Variants in ZNF398 observed in about 807,000 individuals in gnomAD.
ZNF398 encodes the protein zinc finger DNA binding protein ZER6.
In ZNF398, 18 loss-of-function variants were observed where a neutral mutation model predicts 41.9. The ratio of observed to expected loss-of-function variants is 0.43; its 90% confidence interval spans 0.30 to 0.64. ZNF398 has a LOEUF of 0.64. Among genes scored for constraint, ZNF398 ranks in the 30% least tolerant of loss-of-function variants. ZNF398 has a pLI of 0.14. For synonymous variants in ZNF398, 260 were observed against 308.8 expected (o/e 0.84, Z 1.66); for missense variants, 669 against 822.8 (o/e 0.81, Z 2.29).
chr7:149,156,775 C>T (rs1238430193), intron 2 of ZNF398, among the ~76,000 whole-genome samples: 2 of 150,784 alleles, frequency 1.3e-5, no homozygotes, highest in African/African-American at 2.4e-5. Flanking sequence ...GCAGGAGAAT[C>T]GCTTGAACCC....
At chr7:149,169,459 G>A (rs1198984521) in intron 4 of ZNF398, among the ~76,000 whole-genome samples, 1 of 152,148 alleles carries the variant, frequency 6.6e-6, no homozygotes, top group Non-Finnish European at 1.5e-5. Context: ...TTAAGACAAG[G>A]TCTGGCTCTA....
At chr7:149,175,818 G>GA (rs1470778470) in intron 4 of ZNF398, among the ~76,000 whole-genome samples, 1 of 152,064 alleles carries the variant, frequency 6.6e-6, no homozygotes, top group Non-Finnish European at 1.5e-5. Context: ...CTGAGTAGCT[G>GA]GGATTACAGG....
chr7:149,177,853 A>C (rs983686635), intron 5 of ZNF398, among the ~76,000 whole-genome samples: 2 of 152,144 alleles, frequency 1.3e-5, no homozygotes, highest in Non-Finnish European at 2.9e-5. Context: ...TACAGTGTTA[A>C]ATTTTCTGAT....
rs1563166751 is a variant in ZNF398, at chr7:149,176,566, A to G, written c.760A>G (p.Lys254Glu). 2.5e-6 allele frequency: 4 copies of G among 1,607,646 alleles called. No homozygotes were observed. Among genetic ancestry groups the G allele is most frequent in the Non-Finnish European group, 2.5e-6 (3 of 1,177,198 alleles). Residue 254 changes from lysine to glutamate, a missense_variant, in exon 5 of 6, where the codon AAA (lysine) becomes GAA (glutamate). Around this residue, in one of 3 missense-constraint regions of ZNF398, gnomAD observed 290 missense variants for 292.9 expected, o/e 0.99. Transcript: ENST00000475153. ...PPESKESDVY[K>E]STYADEELVI... ...GGAGTCCAAGGAGAGTGACGTGTAC[A>G]AAAGCACTTATGCTGGTGAGTATGA...
At chr7:149,167,514 T>C (rs889363673) in intron 4 of ZNF398, among the ~76,000 whole-genome samples, 5 of 152,186 alleles carry the variant, frequency 3.3e-5, no homozygotes, top group African/African-American at 1.2e-4. Context: ...TCTCATACAC[T>C]TTTTTGTTCT....
rs1017251618 is a variant in ZNF398 at position 149,179,481 on chromosome 7, C to T, written c.1609C>T (p.Arg537Trp). 16 of 1,614,034 alleles carry T rather than the reference C, an allele frequency of 9.9e-6. No homozygotes were observed. The highest frequency in any genetic ancestry group is 1.3e-5 in the African/African-American group (1 of 74,942). The change falls in exon 6 of 6, where the codon CGG (arginine) becomes TGG (tryptophan). Residue 537 changes from arginine (R) to tryptophan (W), a missense_variant. Coordinates refer to ENST00000475153, the MANE Select transcript of ZNF398 (RefSeq NM_170686.3). This position sits in a 1 kb window ranked among gnomAD's most constrained non-coding sequence, Gnocchi z 6.1. The stretch of plus-strand genomic sequence containing the variant: ...CCACCGGCGGCTGCACACAGGCGAG[C>T]GGCCCTTCAGTTGTCCTCACTGTGG... The part of the protein sequence containing the change: ...LNHRRLHTGE[R>W]PFSCPHCGKS...
At chr7:149,134,231 A>AT (rs1484646208) in intron 2 of ZNF398, among the ~76,000 whole-genome samples, 1 of 150,700 alleles carries the variant, frequency 6.6e-6, no homozygotes, top group Non-Finnish European at 1.5e-5. Context: ...CGCCCAGCTA[A>AT]TTTTTTTGTT....
intron 2 of ZNF398, among the ~76,000 whole-genome samples, chr7:149,130,817 T>A (rs12704063): frequency 1.3e-5 from 2 of 152,028 alleles, no homozygotes; most frequent in Admixed American, 6.6e-5. Context: ...AGATGGGAGA[T>A]GGGAGATCAG....
At chr7:149,170,981 C>T (rs780882069) in intron 4 of ZNF398, among the ~76,000 whole-genome samples, 66 of 148,084 alleles carry the variant, frequency 4.5e-4, no homozygotes, top group Non-Finnish European at 4.5e-4. Flanking sequence ...GTAGCTGGGA[C>T]TGCAGGCACG....
At chr7:149,133,264 C>T (rs901034108) in intron 2 of ZNF398, among the ~76,000 whole-genome samples, 4 of 151,852 alleles carry the variant, frequency 2.6e-5, no homozygotes, top group African/African-American at 9.7e-5. Flanking sequence ...TATAGGCTTG[C>T]CACCACACCC....
At position 149,179,006 on chromosome 7, in the gene ZNF398, C is replaced by G. The variant is rs1240194582; in HGVS notation, c.1134C>G (p.His378Gln). 1.2e-6 allele frequency: 2 copies of G among 1,614,032 alleles called. No individual in the cohort carries two copies. The highest frequency in any genetic ancestry group is 2.7e-5 in the African/African-American group (2 of 74,908). The change falls in exon 6 of 6, where the codon CAC (histidine) becomes CAG (glutamine). Residue 378 changes from histidine to glutamine, a missense_variant. Transcript: ENST00000475153. This position sits in a 1 kb window ranked among gnomAD's most constrained non-coding sequence, Gnocchi z 6.1. Reference protein sequence around the residue: ...HPLPCAQCPKHFTPQADLSST... With the variant: ...HPLPCAQCPKQFTPQADLSST... ...TACCCTGTGCCCAGTGCCCTAAGCA[C>G]TTTACTCCACAGGCGGACCTCAGCA...
chr7:149,178,501 G>T, intron 5 of ZNF398, 147 bp from the exon 6 acceptor site: 1 of 678,816 alleles, frequency 1.5e-6, no homozygotes, highest in South Asian at 1.8e-5. Context: ...TTGCCACAGA[G>T]ACCACAGATG....
chr7:149,160,283 T>G (rs982518636), intron 2 of ZNF398, among the ~76,000 whole-genome samples: 9 of 152,030 alleles, frequency 5.9e-5, no homozygotes, highest in African/African-American at 1.9e-4. Flanking sequence ...TACAAAAAAG[T>G]AGCCAGATGT....
In ZNF398 at chr7:149,141,455, TC is replaced by T. The variant is rs1451340741; in HGVS notation, c.-489-12489del. On this transcript the variant is annotated intron_variant, in intron 2 of 6. Transcript: ENST00000426851. ...GGATTACAGCTACTTTTCTTTTTTTTCTTTTTTTTTTTTTTTTGAGACGGAG... is the reference window on the plus strand; with the variant it reads ...GGATTACAGCTACTTTTCTTTTTTTTTTTTTTTTTTTTTTTTGAGACGGAG... Among the ~76,000 whole-genome samples the T allele has an allele frequency of 1.5e-3, 204 of 132,908 alleles. 18 individuals carry two copies. The highest frequency in any genetic ancestry group is 4.6e-3 in the African/African-American group (163 of 35,758). The allele number at this position is 132,908 out of a possible 152,430, so 87.2% of individuals were successfully genotyped here.
chr7:149,135,389 C>CAAA (rs777888671), intron 2 of ZNF398, among the ~76,000 whole-genome samples: 296 of 61,186 alleles, frequency 4.8e-3, no homozygotes, highest in African/African-American at 6.2e-3. Flanking sequence ...GACTCTGTCT[C>CAAA]AAAAAAAAAA....
At chr7:149,144,729 T>C (rs1826897562), upstream of ZNF398, among the ~76,000 whole-genome samples, 1 of 151,952 alleles carries the variant, frequency 6.6e-6, no homozygotes. Context: ...GCTAGGATTA[T>C]AGGCACCCAC....
intron 5 of ZNF398, among the ~76,000 whole-genome samples, chr7:149,178,034 G>A (rs1795498374): frequency 6.6e-6 from 1 of 152,154 alleles, no homozygotes; most frequent in Non-Finnish European, 1.5e-5. Context: ...GCTCATGCCT[G>A]TAATCCCAGC....
upstream of ZNF398, among the ~76,000 whole-genome samples, chr7:149,144,701 A>G (rs7777214): frequency 0.58 from 88,367 of 151,648 alleles, 27,334 homozygotes; most frequent in East Asian, 0.9. Context: ...TGATTCTCCT[A>G]CCTCAGCCTC....
chr7:149,161,329 G>C (rs1054267817), intron 2 of ZNF398, among the ~76,000 whole-genome samples: 2 of 152,156 alleles, frequency 1.3e-5, no homozygotes, highest in East Asian at 3.9e-4. Flanking sequence ...TGAGGTTGGA[G>C]GATTGCTTGA....
Sources: allele counts gnomAD v4.1 joint callset (sites outside exome capture counted in the v4.1 genomes callset), GRCh38; gene constraint gnomAD v4.1.1; regional missense constraint gnomAD v4.1.1; non-coding constraint Gnocchi (gnomAD v3.1); transcripts MANE v1.5; gene names NCBI Gene and HGNC (gene_info 2026-07-23, HGNC 2026-07-21).